The following FMN1 variants were observed in gnomAD, a reference collection of about 807,000 sequenced individuals.
FMN1 encodes the protein formin-1.
In FMN1, 110 loss-of-function variants were observed where a neutral mutation model predicts 132.4. The ratio of observed to expected loss-of-function variants is 0.83; its 90% CI spans 0.71 to 0.97. The LOEUF (loss-of-function observed/expected upper bound fraction) is 0.97. Among genes scored for constraint, FMN1 ranks in the 50% least tolerant of loss-of-function variants. FMN1 has a pLI of 0.00. For synonymous variants in FMN1, 722 were observed against 651.7 expected (o/e 1.11, Z -1.64); for missense variants, 1,792 against 1,705.3 (o/e 1.05, Z -0.90).
intron 4 of FMN1, among the ~76,000 whole-genome samples, chr15:33,092,599 G>A (rs896646264): frequency 6.6e-6 from 1 of 152,140 alleles, no homozygotes; most frequent in Non-Finnish European, 1.5e-5. Flanking sequence ...ATCTGTCCCA[G>A]GCACAGTCCT....
At chr15:32,778,600 G>GGT (rs1423673422) in intron 19 of FMN1, among the ~76,000 whole-genome samples, 1 of 151,994 alleles carries the variant, frequency 6.6e-6, no homozygotes, top group African/African-American at 2.4e-5. Flanking sequence ...AAACCACAAT[G>GGT]GGATACCACT....
intron 4 of FMN1, among the ~76,000 whole-genome samples, chr15:33,103,085 G>A (rs939167767): frequency 6.6e-6 from 1 of 152,016 alleles, no homozygotes; most frequent in Non-Finnish European, 1.5e-5. Flanking sequence ...GTGTTTAGTA[G>A]ATATATAATA....
intron 4 of FMN1, among the ~76,000 whole-genome samples, chr15:33,098,705 G>A (rs189053154): frequency 2.0e-5 from 3 of 152,194 alleles, no homozygotes; most frequent in Admixed American, 6.5e-5. Flanking sequence ...GTAACAGGAG[G>A]ATGAGGTTGT....
At position 32,856,864 on chromosome 15, in the gene FMN1, T is replaced by C. The variant is rs908628522; in HGVS notation, c.3928+151A>G. 8 of 621,452 alleles carry C rather than the reference T, an allele frequency of 1.3e-5. No individual in the cohort carries two copies. In the East Asian group the frequency reaches 1.6e-4, roughly 13 times the overall value. 38.5% of individuals were successfully genotyped at this position (621,452 alleles called of 1,614,324 possible). On this transcript the variant is annotated intron_variant, in intron 17 of 20. Transcript: ENST00000616417. Reference sequence around the variant, plus strand: ...ACAGGACAACTTTATCTACCGTGAGTATGTAACCACCATGGAAAGATGGGC... The same window carrying C: ...ACAGGACAACTTTATCTACCGTGAGCATGTAACCACCATGGAAAGATGGGC...
intron 6 of FMN1, among the ~76,000 whole-genome samples, chr15:33,015,325 C>T (rs959369829): frequency 3.3e-5 from 5 of 152,062 alleles, no homozygotes; most frequent in African/African-American, 1.2e-4. Context: ...ATTTTAATCA[C>T]AGGGAGGTTT....
intron 6 of FMN1, among the ~76,000 whole-genome samples, chr15:33,045,405 C>A (rs1349379887): frequency 2.0e-5 from 3 of 152,230 alleles, no homozygotes; most frequent in Non-Finnish European, 4.4e-5. Flanking sequence ...GGCAAAAGCA[C>A]CCCTGGCCAC....
chr15:32,952,180 T>G (rs1234876656), intron 9 of FMN1, among the ~76,000 whole-genome samples: 6 of 152,190 alleles, frequency 3.9e-5, no homozygotes, highest in African/African-American at 1.4e-4. Flanking sequence ...AGAGTATATG[T>G]ATATACAACA....
At chr15:33,128,969 AT>A (rs1247042375) in intron 4 of FMN1, among the ~76,000 whole-genome samples, 1 of 152,192 alleles carries the variant, frequency 6.6e-6, no homozygotes, top group Non-Finnish European at 1.5e-5. Flanking sequence ...CAGAGTGCTG[AT>A]TGGTCCATTT....
chr15:33,104,159 A>G (rs947132631), intron 4 of FMN1, among the ~76,000 whole-genome samples: 1 of 152,166 alleles, frequency 6.6e-6, no homozygotes, highest in African/African-American at 2.4e-5. Flanking sequence ...GACTTCACCA[A>G]ATGATAAAAT....
At chr15:33,055,904 AAG>A (rs2037194821) in intron 6 of FMN1, among the ~76,000 whole-genome samples, 2 of 152,350 alleles carry the variant, frequency 1.3e-5, no homozygotes, top group East Asian at 1.9e-4. Context: ...TAATATGAGA[AAG>A]AGAGACAATT....
At chr15:32,850,707 C>CCATGA (rs1384858185) in intron 17 of FMN1, among the ~76,000 whole-genome samples, 3 of 152,100 alleles carry the variant, frequency 2.0e-5, no homozygotes, top group African/African-American at 7.2e-5. Flanking sequence ...CATGGAATAC[C>CCATGA]CATCTATTTA....
intron 4 of FMN1, among the ~76,000 whole-genome samples, chr15:33,111,806 G>C (rs552566325): frequency 5.3e-4 from 81 of 152,244 alleles, no homozygotes; most frequent in South Asian, 3.1e-3. Context: ...AAAATGGTGA[G>C]TGACTTCTGA....
At chr15:33,106,396 A>G (rs1394637682) in intron 4 of FMN1, among the ~76,000 whole-genome samples, 1 of 151,722 alleles carries the variant, frequency 6.6e-6, no homozygotes, top group Non-Finnish European at 1.5e-5. Flanking sequence ...AGCTTTCTTC[A>G]ATGTGTACAT....
At chr15:33,093,812 G>C (rs529939231) in intron 4 of FMN1, among the ~76,000 whole-genome samples, 1 of 152,192 alleles carries the variant, frequency 6.6e-6, no homozygotes, top group Non-Finnish European at 1.5e-5. Flanking sequence ...CATTGATGAG[G>C]AAAGCATCCA....
At chr15:33,006,009 G>T (rs976776869) in intron 7 of FMN1, among the ~76,000 whole-genome samples, 4 of 152,182 alleles carry the variant, frequency 2.6e-5, no homozygotes, top group African/African-American at 9.6e-5. Context: ...GATGGGTAGG[G>T]CTTGAATTCA....
chr15:32,857,609 A>C (rs2059165849), intron 16 of FMN1, among the ~76,000 whole-genome samples: 1 of 152,200 alleles, frequency 6.6e-6, no homozygotes, highest in Non-Finnish European at 1.5e-5. Context: ...ATGAGAACTA[A>C]GACCAGGTCG....
chr15:32,855,663 G>T (rs1432001860), intron 17 of FMN1, among the ~76,000 whole-genome samples: 1 of 152,096 alleles, frequency 6.6e-6, no homozygotes, highest in Non-Finnish European at 1.5e-5. Context: ...AAATTTTCTA[G>T]AAATAGAATA....
At chr15:32,814,002 G>C (rs565336066) in intron 17 of FMN1, among the ~76,000 whole-genome samples, 2 of 152,266 alleles carry the variant, frequency 1.3e-5, no homozygotes, top group Middle Eastern at 3.4e-3. Context: ...ATACATCAGA[G>C]AGAAAGTTCC....
intron 19 of FMN1, among the ~76,000 whole-genome samples, chr15:32,781,059 C>T (rs368521754): frequency 2.6e-5 from 4 of 152,090 alleles, no homozygotes; most frequent in East Asian, 1.9e-4. Context: ...ATCTGTAATA[C>T]TTCATTTTTA....
Sources: allele counts gnomAD v4.1 joint callset (sites outside exome capture counted in the v4.1 genomes callset), GRCh38; gene constraint gnomAD v4.1.1; transcripts MANE v1.5; gene names NCBI Gene and HGNC (gene_info 2026-07-23, HGNC 2026-07-21).